Variants in SLC38A6 observed in about 807,000 individuals in gnomAD.
SLC38A6 encodes solute carrier family 38 member 6, also known as N system amino acid transporter NAT-1.
A neutral mutation model predicts 65.0 loss-of-function variants in SLC38A6; 73 were observed. The ratio of observed to expected loss-of-function variants is 1.12; its 90% CI spans 0.93 to 1.37. The LOEUF is 1.37. Ranked by LOEUF, SLC38A6 falls within the 40% of genes most tolerant of loss-of-function variation. SLC38A6 has a pLI of 0.00. For synonymous variants in SLC38A6, 183 were observed against 178.8 expected, an observed-to-expected ratio of 1.02 and a Z score of -0.19; for missense variants, 561 against 531.1, an observed-to-expected ratio of 1.06 and a Z score of -0.55.
intron 5 of SLC38A6, among the ~76,000 whole-genome samples, chr14:61,021,414 C>T (rs906096909): frequency 6.6e-6 from 1 of 152,116 alleles, no homozygotes; most frequent in Non-Finnish European, 1.5e-5. Context: ...TAGAAATCTA[C>T]AGAGAAGCTG....
intron 6 of SLC38A6, among the ~76,000 whole-genome samples, chr14:61,034,912 T>C (rs923586615): frequency 3.9e-5 from 6 of 152,168 alleles, no homozygotes; most frequent in African/African-American, 1.4e-4. Context: ...GCTCCTTCTC[T>C]TGTTCTGTTA....
Position 60,990,246 on chromosome 14 carries a change from G to T in SLC38A6, c.310+5443G>T, listed in dbSNP as rs553900795. On this transcript the variant is annotated intron_variant, in intron 3 of 15. Transcript: ENST00000267488. ...GGGTTTTGCCATGTTGGCCAGGCTGGTCTCAAACTTCTGGCTTCAAGTGAT... is the reference window on the plus strand; with the variant it reads ...GGGTTTTGCCATGTTGGCCAGGCTGTTCTCAAACTTCTGGCTTCAAGTGAT... Among the ~76,000 whole-genome samples the T allele has an allele frequency of 1.1e-4, 16 of 152,316 alleles. 1 individual carries two copies. The South Asian group carries it at 3.1e-3, about 30-fold the overall frequency.
chr14:60,992,332 G>A (rs564823697), intron 3 of SLC38A6, among the ~76,000 whole-genome samples: 1 of 152,010 alleles, frequency 6.6e-6, no homozygotes, highest in South Asian at 2.1e-4. Context: ...TTCCTGTACC[G>A]TACCTCCGTG....
intron 8 of SLC38A6, among the ~76,000 whole-genome samples, chr14:61,039,434 G>A (rs777620215): frequency 1.3e-5 from 2 of 151,706 alleles, no homozygotes; most frequent in Admixed American, 1.3e-4. Flanking sequence ...GCAGTGGCAC[G>A]ATCTCAGTTC....
rs754890963 is a variant in SLC38A6 at position 60,982,627 on chromosome 14, C to G, written c.225C>G (p.Val75=). 1 of 1,608,010 alleles carries G rather than the reference C, an allele frequency of 6.2e-7. No individual in the cohort carries two copies. Among genetic ancestry groups the G allele is most frequent in the South Asian group, 1.1e-5 (1 of 89,242 alleles). ...CTTATGTTTTGGCTAATACCGGTGT[C>G]TTTGGATTTAGGTGAGTCTTCATAT... ...GLAYVLANTG[V]FGFSFLLLTV... is the part of the protein sequence containing the mutation. Residue 75 remains valine (V), a synonymous_variant, in exon 2 of 16, where the codon GTC becomes GTG. Transcript: ENST00000267488.
chr14:61,013,317 A>G (rs1324115642), intron 3 of SLC38A6, among the ~76,000 whole-genome samples: 2 of 152,144 alleles, frequency 1.3e-5, no homozygotes, highest in Non-Finnish European at 2.9e-5. Context: ...CAGCACACTG[A>G]TGGGTCTTGA....
At chr14:61,065,210 C>T (rs565541724) in intron 15 of SLC38A6, among the ~76,000 whole-genome samples, 14 of 152,248 alleles carry the variant, frequency 9.2e-5, no homozygotes, top group Admixed American at 2.0e-4. Flanking sequence ...ACTAAAGATT[C>T]TCTGCTATCC....
chr14:60,981,580 A>G (rs551426468), intron 1 of SLC38A6, 198 bp downstream of exon 1: 1 of 1,518,276 alleles, frequency 6.6e-7, no homozygotes, highest in South Asian at 1.2e-5. Context: ...GCAGCCTAGC[A>G]TACTCTAGAA....
chr14:61,045,608 A>T (rs17097981), intron 11 of SLC38A6, among the ~76,000 whole-genome samples, 183 bp downstream of exon 11: 5,190 of 152,172 alleles, frequency 0.034, 399 homozygotes, highest in East Asian at 0.23. Flanking sequence ...CTAGAAGTGT[A>T]ATCTTTGAGG....
At chr14:61,044,379 A>G (rs1194177389) in intron 10 of SLC38A6, among the ~76,000 whole-genome samples, 1 of 152,196 alleles carries the variant, frequency 6.6e-6, no homozygotes, top group Non-Finnish European at 1.5e-5. Context: ...AAAGACCTCC[A>G]GGTGCCGTAA....
chr14:61,030,694 C>A, intron 6 of SLC38A6, 171 bp downstream of exon 6: 1 of 522,410 alleles, frequency 1.9e-6, no homozygotes. Context: ...AACTACTCAG[C>A]CAATGTTTGA....
At chr14:61,062,273 A>G (rs531745775) in intron 15 of SLC38A6, among the ~76,000 whole-genome samples, 35 of 152,346 alleles carry the variant, frequency 2.3e-4, no homozygotes, top group African/African-American at 7.9e-4. Flanking sequence ...GTAACATTTT[A>G]TATTCCAGAG....
At chr14:61,006,025 A>G (rs1052119724) in intron 3 of SLC38A6, among the ~76,000 whole-genome samples, 1 of 152,108 alleles carries the variant, frequency 6.6e-6, no homozygotes, top group Non-Finnish European at 1.5e-5. Flanking sequence ...ATAATGCCGC[A>G]TATCTACACC....
intron 3 of SLC38A6, among the ~76,000 whole-genome samples, chr14:61,004,197 T>C (rs1320645128): frequency 6.6e-6 from 1 of 152,178 alleles, no homozygotes; most frequent in Admixed American, 6.5e-5. Flanking sequence ...TTCAGTATTA[T>C]GGTTTTGGTT....
At chr14:61,074,229 A>G (rs1181024103) in intron 15 of SLC38A6, among the ~76,000 whole-genome samples, 3 of 152,200 alleles carry the variant, frequency 2.0e-5, no homozygotes, top group South Asian at 2.1e-4. Context: ...ATAATTTGCA[A>G]AGTAAGTTAC....
At chr14:61,038,631 AC>A (rs1382518086) in intron 8 of SLC38A6, among the ~76,000 whole-genome samples, 1 of 152,188 alleles carries the variant, frequency 6.6e-6, no homozygotes, top group East Asian at 1.9e-4. Context: ...TGTCAAAACA[AC>A]CTAGGGTGCA....
rs1216236713 is a variant in SLC38A6 at position 61,045,392 on chromosome 14, C to T, written c.791C>T (p.Thr264Ile). The T allele has an allele frequency of 1.2e-6, 2 of 1,613,508 alleles. No individual in the cohort carries two copies. The highest frequency in any genetic ancestry group is 1.3e-5 in the African/African-American group (1 of 74,974). Reference protein sequence around the residue: ...PTMAFSFLCHTSILPIYCELQ... With the variant: ...PTMAFSFLCHISILPIYCELQ... ...ATGGCTTTTTCATTTCTCTGCCATA[C>T]CTCAATATTGCCCATATACTGTGAA... Residue 264 changes from threonine to isoleucine, a missense_variant, in exon 11 of 16, where the codon ACC (threonine) becomes ATC (isoleucine). By Grantham distance (89) the Thr-to-Ile change is moderately conservative. Coordinates refer to ENST00000267488, the MANE Select transcript of SLC38A6 (RefSeq NM_153811.3).
chr14:61,069,831 C>G (rs2043165706), intron 15 of SLC38A6, among the ~76,000 whole-genome samples: 1 of 152,046 alleles, frequency 6.6e-6, no homozygotes, highest in Non-Finnish European at 1.5e-5. Flanking sequence ...AATTCTATCC[C>G]CAGCATCCAG....
At chr14:60,999,862 T>C (rs1040212977) in intron 3 of SLC38A6, among the ~76,000 whole-genome samples, 1 of 152,232 alleles carries the variant, frequency 6.6e-6, no homozygotes, top group African/African-American at 2.4e-5. Context: ...TGTGGACACC[T>C]TGATTTAGAC....
Sources: gnomAD v4.1 joint callset for allele counts (sites outside exome capture counted in the v4.1 genomes callset) on GRCh38, gnomAD v4.1.1 for gene constraint, MANE v1.5 for transcripts, NCBI Gene and HGNC (gene_info 2026-07-23, HGNC 2026-07-21) for gene names.